Variants in BANK1 observed in about 807,000 individuals in gnomAD.
BANK1 encodes the protein B-cell scaffold protein with ankyrin repeats.
A neutral mutation model predicts 94.5 loss-of-function variants in BANK1; 95 were observed. The ratio of observed to expected loss-of-function variants is 1.00; its 90% CI spans 0.85 to 1.19. The LOEUF (loss-of-function observed/expected upper bound fraction) is 1.19. Ranked by LOEUF, BANK1 falls within the 50% of genes most tolerant of loss-of-function variation. The pLI is 0.00. For missense variants in BANK1, 987 were observed against 932.2 expected (o/e 1.06, Z -0.77); for synonymous variants, 334 against 308.4 (o/e 1.08, Z -0.87).
At chr4:102,057,374 T>G (rs1728266995) in intron 11 of BANK1, among the ~76,000 whole-genome samples, 1 of 83,938 alleles carries the variant, frequency 1.2e-5, no homozygotes, top group African/African-American at 6.2e-5. Flanking sequence ...CTCTCTTTTT[T>G]TTTCTTAAGC....
rs200839250 is a variant in BANK1 at position 101,904,920 on chromosome 4, C to G, written c.1009+9510C>G. 8.5e-5 allele frequency among the ~76,000 whole-genome samples: 13 copies of G among 152,314 alleles called. No homozygotes were observed. The East Asian group carries it at 2.5e-3, about 29-fold the overall frequency. ...AATGTCCACTCCTGTATCTACCAAA[C>G]CTTTAAATTTCTTTCCCTGAATAGT... is the stretch of plus-strand genomic sequence containing the variant. On this transcript the variant is annotated intron_variant, in intron 6 of 16. Transcript: ENST00000322953.
chr4:101,935,861 A>G (rs1723512022), intron 7 of BANK1, among the ~76,000 whole-genome samples: 1 of 151,644 alleles, frequency 6.6e-6, no homozygotes, highest in Admixed American at 6.6e-5. Context: ...GGATATTCAT[A>G]TGCAGAAGAA....
intron 7 of BANK1, among the ~76,000 whole-genome samples, chr4:101,959,269 A>G (rs1724483209): frequency 2.0e-5 from 3 of 151,972 alleles, no homozygotes; most frequent in African/African-American, 7.3e-5. Context: ...CCTCCCAAGT[A>G]GCTGGGATTA....
At chr4:101,847,210 T>A (rs1374238507) in intron 2 of BANK1, among the ~76,000 whole-genome samples, 3 of 146,368 alleles carry the variant, frequency 2.0e-5, no homozygotes, top group Non-Finnish European at 4.5e-5. Flanking sequence ...TGTGTGTGTG[T>A]GTGTGTGTGT....
chr4:101,831,355 A>G (rs17031686), intron 2 of BANK1, among the ~76,000 whole-genome samples: 4,740 of 152,152 alleles, frequency 0.031, 236 homozygotes, highest in African/African-American at 0.11. Context: ...TCAACCCCAA[A>G]TGGTTCGCTG....
chr4:101,978,793 G>A (rs1725226672), intron 7 of BANK1, among the ~76,000 whole-genome samples: 1 of 151,832 alleles, frequency 6.6e-6, no homozygotes, highest in Non-Finnish European at 1.5e-5. Flanking sequence ...TTGAAATACA[G>A]ACTTAAATAC....
chr4:101,865,243 CT>C (rs1728024529), intron 4 of BANK1, among the ~76,000 whole-genome samples: 1 of 152,092 alleles, frequency 6.6e-6, no homozygotes, highest in South Asian at 2.1e-4. Flanking sequence ...CATTTGAAAT[CT>C]GCTTACCTAG....
intron 7 of BANK1, among the ~76,000 whole-genome samples, chr4:102,005,265 AT>A (rs909193297): frequency 1.3e-5 from 2 of 152,140 alleles, no homozygotes; most frequent in East Asian, 1.9e-4. Context: ...AATTCTCTTA[AT>A]TTTTTTCTGT....
chr4:101,826,039 A>G (rs1047106569), intron 1 of BANK1, among the ~76,000 whole-genome samples: 1 of 152,032 alleles, frequency 6.6e-6, no homozygotes, highest in African/African-American at 2.4e-5. Flanking sequence ...AGCTTATTCT[A>G]CAATTTTCTT....
At chr4:102,041,167 G>C (rs773035104) in intron 10 of BANK1, among the ~76,000 whole-genome samples, 1 of 152,060 alleles carries the variant, frequency 6.6e-6, no homozygotes. Flanking sequence ...TGTAAAGGTG[G>C]TGTGGGGTGG....
chr4:101,956,790 G>A (rs925972918), intron 7 of BANK1, among the ~76,000 whole-genome samples: 1 of 152,124 alleles, frequency 6.6e-6, no homozygotes, highest in Non-Finnish European at 1.5e-5. Flanking sequence ...CATTTTGTTT[G>A]TTTGTTTTTT....
At chr4:101,903,876 C>T (rs1267716414) in intron 6 of BANK1, among the ~76,000 whole-genome samples, 1 of 152,108 alleles carries the variant, frequency 6.6e-6, no homozygotes, top group East Asian at 1.9e-4. Context: ...TTATCAGGAG[C>T]TGTAATTAAA....
intron 8 of BANK1, 73 bp downstream of exon 8, chr4:102,021,665 G>T: frequency 3.3e-6 from 2 of 608,898 alleles, no homozygotes; most frequent in Non-Finnish European, 5.0e-6. Context: ...ACTTATGGAA[G>T]ATGTAACTGA....
intron 7 of BANK1, among the ~76,000 whole-genome samples, chr4:101,952,387 C>A (rs1321166891): frequency 1.3e-5 from 2 of 152,038 alleles, no homozygotes; most frequent in Non-Finnish European, 2.9e-5. Flanking sequence ...CTGTGACTAC[C>A]TGTGTTTATC....
At chr4:101,907,245 T>C (rs1722486474) in intron 6 of BANK1, among the ~76,000 whole-genome samples, 1 of 152,116 alleles carries the variant, frequency 6.6e-6, no homozygotes. Flanking sequence ...CAAGGCTGGT[T>C]CAACATATGC....
chr4:101,959,567 G>A (rs1023751159), intron 7 of BANK1, among the ~76,000 whole-genome samples: 2 of 152,188 alleles, frequency 1.3e-5, no homozygotes, highest in African/African-American at 4.8e-5. Flanking sequence ...ATAACGAATA[G>A]TGGCAATATC....
At chr4:101,913,918 G>T (rs1197450474) in intron 6 of BANK1, among the ~76,000 whole-genome samples, 1 of 152,134 alleles carries the variant, frequency 6.6e-6, no homozygotes, top group Non-Finnish European at 1.5e-5. Flanking sequence ...TCATGCAGGT[G>T]CTTTGGATGA....
chr4:101,865,404 T>C (rs1728030574), intron 4 of BANK1, among the ~76,000 whole-genome samples: 1 of 152,058 alleles, frequency 6.6e-6, no homozygotes, highest in South Asian at 2.1e-4. Context: ...AGGATTTACC[T>C]CCATGAATCC....
At chr4:102,065,913 C>T (rs1465802133) in intron 13 of BANK1, among the ~76,000 whole-genome samples, 2 of 151,850 alleles carry the variant, frequency 1.3e-5, no homozygotes, top group Non-Finnish European at 2.9e-5. Context: ...AACAGAGTCC[C>T]AGCGACATTT....
Sources: gnomAD v4.1 joint callset for allele counts (sites outside exome capture counted in the v4.1 genomes callset) on GRCh38, gnomAD v4.1.1 for gene constraint, MANE v1.5 for transcripts, NCBI Gene and HGNC (gene_info 2026-07-23, HGNC 2026-07-21) for gene names.